Variants in WWOX observed in about 807,000 individuals in gnomAD.
The protein encoded by WWOX is WW domain containing oxidoreductase.
Under a neutral mutation model 46.2 loss-of-function variants are expected in WWOX, and 69 were observed. The observed-to-expected ratio is 1.49, with a 90% CI of 1.23 to 1.82. The LOEUF is 1.82. Among genes scored for constraint, WWOX ranks in the 40% most tolerant of loss-of-function variants. The probability of loss-of-function intolerance (pLI) is 0.00; values close to 1 mark genes in which losing one functional copy is unlikely to be tolerated. For synonymous variants in WWOX, 359 were observed against 202.6 expected (o/e 1.77, Z -6.56); for missense variants, 919 against 542.6 (o/e 1.69, Z -6.89).
chr16:79,105,188 T>C (rs534424673), intron 8 of WWOX, among the ~76,000 whole-genome samples: 91 of 152,168 alleles, frequency 6.0e-4, no homozygotes, highest in Non-Finnish European at 5.9e-5. Context: ...GCACCCCGAG[T>C]GGTGACAGTG....
intron 8 of WWOX, among the ~76,000 whole-genome samples, chr16:78,713,505 C>G: frequency 6.6e-6 from 1 of 152,050 alleles, no homozygotes; most frequent in Admixed American, 6.5e-5. Context: ...TTTGGAGATA[C>G]AGCCTTTTAA....
intron 8 of WWOX, among the ~76,000 whole-genome samples, chr16:78,647,227 A>G (rs1005970910): frequency 5.3e-5 from 8 of 152,106 alleles, no homozygotes; most frequent in South Asian, 2.1e-4. Context: ...CTCAGAACAC[A>G]TGGATCAGGA....
chr16:78,894,857 A>C (rs2044667274), intron 8 of WWOX, among the ~76,000 whole-genome samples: 1 of 152,174 alleles, frequency 6.6e-6, no homozygotes, highest in South Asian at 2.1e-4. Context: ...AAAAACAGTG[A>C]CTAACTGAGC....
rs75149093 is a variant in WWOX at position 78,661,971 on chromosome 16, T to C, written c.1056+229219T>C. The stretch of plus-strand genomic sequence containing the variant: ...AGGTGGGAGGATCATTTGAGCCCGG[T>C]AGATGGAGGTTGCAATGAACCGAGA... On this transcript the variant is annotated intron_variant, in intron 8 of 8. Transcript: ENST00000566780. Among the ~76,000 whole-genome samples, 11 of 152,174 alleles carry C rather than the reference T, an allele frequency of 7.2e-5. No individual in the cohort carries two copies. The East Asian group carries it at 1.9e-3, about 27-fold the overall frequency.
At chr16:78,372,939 T>C (rs56183253) in intron 5 of WWOX, among the ~76,000 whole-genome samples, 13,373 of 152,222 alleles carry the variant, frequency 0.088, 757 homozygotes, top group South Asian at 0.17. Context: ...TAATCTGATA[T>C]ATGCTACTGG....
At chr16:78,637,358 T>C (rs1017256632) in intron 8 of WWOX, among the ~76,000 whole-genome samples, 8 of 152,014 alleles carry the variant, frequency 5.3e-5, no homozygotes, top group African/African-American at 1.9e-4. Flanking sequence ...GCAGAGTCTG[T>C]TGAACCCAGG....
intron 8 of WWOX, among the ~76,000 whole-genome samples, chr16:79,115,399 G>C (rs1290947652): frequency 1.3e-5 from 2 of 152,274 alleles, no homozygotes; most frequent in South Asian, 4.1e-4. Flanking sequence ...AGAAACTCGG[G>C]GCATGGAAGT....
At chr16:78,313,818 A>G (rs1038141532) in intron 5 of WWOX, among the ~76,000 whole-genome samples, 1 of 152,112 alleles carries the variant, frequency 6.6e-6, no homozygotes, top group Non-Finnish European at 1.5e-5. Context: ...CTAGCCTTTG[A>G]TCCTTCCTGT....
chr16:78,132,772 C>G (rs571728249), intron 4 of WWOX, among the ~76,000 whole-genome samples: 2 of 152,284 alleles, frequency 1.3e-5, no homozygotes, highest in East Asian at 1.9e-4. Context: ...CTCTTCGATT[C>G]TCACGTGCTG....
intron 5 of WWOX, among the ~76,000 whole-genome samples, chr16:78,309,810 C>G (rs539499606): frequency 9.2e-5 from 14 of 152,162 alleles, no homozygotes; most frequent in Admixed American, 8.5e-4. Context: ...TCTTGTGGTC[C>G]TGAAGTCTAA....
At chr16:79,038,703 C>T (rs979427865) in intron 8 of WWOX, among the ~76,000 whole-genome samples, 1 of 152,104 alleles carries the variant, frequency 6.6e-6, no homozygotes, top group Non-Finnish European at 1.5e-5. Flanking sequence ...GCACCCACCA[C>T]CACACCCAAC....
intron 5 of WWOX, among the ~76,000 whole-genome samples, chr16:78,322,567 CAGTG>C (rs1161602123): frequency 7.9e-5 from 12 of 152,208 alleles, no homozygotes; most frequent in African/African-American, 2.9e-4. Context: ...ATCGTACAGT[CAGTG>C]AGTGTGAGAG....
chr16:78,690,961 C>T (rs1052237095), intron 8 of WWOX, among the ~76,000 whole-genome samples: 1 of 152,130 alleles, frequency 6.6e-6, no homozygotes, highest in Non-Finnish European at 1.5e-5. Context: ...ATTTGTGAAA[C>T]CAGGCCTCAA....
chr16:79,001,463 G>T (rs757033498), intron 8 of WWOX, among the ~76,000 whole-genome samples: 3 of 152,282 alleles, frequency 2.0e-5, no homozygotes, highest in East Asian at 3.9e-4. Flanking sequence ...AAATTTGTGC[G>T]TGCAGCTTCT....
chr16:78,926,189 C>T (rs1217389302), intron 8 of WWOX, among the ~76,000 whole-genome samples: 1 of 152,056 alleles, frequency 6.6e-6, no homozygotes, highest in Non-Finnish European at 1.5e-5. Context: ...GCCTGGGTAA[C>T]ATGGCAAAAC....
chr16:78,989,923 C>A (rs1291062956), intron 8 of WWOX, among the ~76,000 whole-genome samples: 1 of 150,582 alleles, frequency 6.6e-6, no homozygotes, highest in Non-Finnish European at 1.5e-5. Context: ...TGGCTCATGT[C>A]TGTAATTCTA....
At chr16:78,243,520 C>G (rs1439104510) in intron 5 of WWOX, among the ~76,000 whole-genome samples, 1 of 152,018 alleles carries the variant, frequency 6.6e-6, no homozygotes, top group Non-Finnish European at 1.5e-5. Context: ...CTTCCACCCT[C>G]TACCCTCCAG....
At chr16:78,580,012 C>T (rs1046043856) in intron 8 of WWOX, among the ~76,000 whole-genome samples, 2 of 152,082 alleles carry the variant, frequency 1.3e-5, no homozygotes, top group Non-Finnish European at 2.9e-5. Flanking sequence ...TGTGCACATT[C>T]CTGCTTTTCT....
At chr16:78,295,496 G>A (rs2079930280) in intron 5 of WWOX, among the ~76,000 whole-genome samples, 1 of 152,200 alleles carries the variant, frequency 6.6e-6, no homozygotes, top group South Asian at 2.1e-4. Context: ...TGGATCACCT[G>A]AAGTCAGGAG....
Sources: allele counts gnomAD v4.1 joint callset (sites outside exome capture counted in the v4.1 genomes callset), GRCh38; gene constraint gnomAD v4.1.1; transcripts MANE v1.5; gene names NCBI Gene and HGNC (gene_info 2026-07-23, HGNC 2026-07-21).